PCDH9: variants seen among roughly 807,000 people sequenced by gnomAD.
PCDH9 encodes the protein protocadherin-9.
In PCDH9, 24 loss-of-function variants were observed where a neutral mutation model predicts 70.6. That is an observed-to-expected ratio of 0.34 (90% CI 0.25 to 0.48). The LOEUF (loss-of-function observed/expected upper bound fraction) is 0.48, where lower values mean the gene tolerates loss of function less well. Among genes scored for constraint, PCDH9 ranks in the 20% least tolerant of loss-of-function variants. The probability of loss-of-function intolerance (pLI) is 0.99; values close to 1 mark genes in which losing one functional copy is unlikely to be tolerated. For synonymous variants in PCDH9, 562 were observed against 558.5 expected (o/e 1.01, Z -0.09); for missense variants, 1,281 against 1,503.6 (o/e 0.85, Z 2.45).
intron 2 of PCDH9, among the ~76,000 whole-genome samples, chr13:67,186,124 C>A (rs917547070): frequency 1.3e-5 from 2 of 151,954 alleles, no homozygotes; most frequent in African/African-American, 4.8e-5. Context: ...AAAGAGGTTA[C>A]CAATCAATAT....
At chr13:66,435,613 A>G (rs1005349971) in intron 4 of PCDH9, among the ~76,000 whole-genome samples, 2 of 152,194 alleles carry the variant, frequency 1.3e-5, no homozygotes, top group Non-Finnish European at 2.9e-5. Flanking sequence ...AATATTATAC[A>G]GCAAAGCAAC....
At chr13:66,600,817 CATGTT>C (rs2077157449) in intron 4 of PCDH9, among the ~76,000 whole-genome samples, 1 of 139,828 alleles carries the variant, frequency 7.2e-6, no homozygotes, top group Non-Finnish European at 1.6e-5. Context: ...AATTTTATAT[CATGTT>C]ATAATTGTTT....
intron 3 of PCDH9, among the ~76,000 whole-genome samples, chr13:66,707,775 C>G (rs76013733): frequency 0.019 from 2,842 of 152,252 alleles, 66 homozygotes; most frequent in African/African-American, 0.056. Flanking sequence ...TTATTGAATG[C>G]TTCCTGACTA....
chr13:66,452,265 C>T (rs1366084209), intron 4 of PCDH9, among the ~76,000 whole-genome samples: 1 of 152,054 alleles, frequency 6.6e-6, no homozygotes, highest in African/African-American at 2.4e-5. Context: ...TTGTAAAGAA[C>T]CTCACTGTTC....
At chr13:67,113,270 A>G (rs979877548) in intron 2 of PCDH9, among the ~76,000 whole-genome samples, 1 of 152,196 alleles carries the variant, frequency 6.6e-6, no homozygotes, top group African/African-American at 2.4e-5. Flanking sequence ...AGATACATAT[A>G]ACTTTACTCA....
At chr13:66,890,591 C>T (rs2082081104) in intron 3 of PCDH9, among the ~76,000 whole-genome samples, 1 of 151,648 alleles carries the variant, frequency 6.6e-6, no homozygotes, top group South Asian at 2.1e-4. Flanking sequence ...GGAAGTCATC[C>T]CTTTGAAATG....
intron 4 of PCDH9, among the ~76,000 whole-genome samples, chr13:66,367,232 C>T (rs571969119): frequency 6.6e-5 from 10 of 152,150 alleles, no homozygotes; most frequent in Admixed American, 5.2e-4. Context: ...TAATGCTTAT[C>T]TATTGACTTC....
intron 3 of PCDH9, among the ~76,000 whole-genome samples, chr13:66,746,283 A>T (rs184546890): frequency 6.6e-6 from 1 of 152,338 alleles, no homozygotes; most frequent in East Asian, 1.9e-4. Flanking sequence ...TTTAACTGAG[A>T]TTAACTTTAG....
At chr13:67,201,932 TACA>T (rs1277615791) in intron 2 of PCDH9, 7 of 152,086 alleles carry the variant, frequency 4.6e-5, no homozygotes, top group African/African-American at 1.7e-4. Context: ...TACATTATAG[TACA>T]ACAAGTGAGA....
chr13:66,488,991 G>C (rs149028192), intron 4 of PCDH9, among the ~76,000 whole-genome samples: 1 of 152,016 alleles, frequency 6.6e-6, no homozygotes, highest in African/African-American at 2.4e-5. Context: ...ATATGTGTTC[G>C]TATACACACA....
intron 3 of PCDH9, among the ~76,000 whole-genome samples, chr13:66,672,032 T>C (rs919255104): frequency 6.6e-6 from 1 of 151,942 alleles, no homozygotes; most frequent in South Asian, 2.1e-4. Flanking sequence ...CCTGGAGGTA[T>C]GGGAGGAAAA....
intron 4 of PCDH9, among the ~76,000 whole-genome samples, chr13:66,571,064 T>C (rs2076726661): frequency 6.6e-6 from 1 of 152,088 alleles, no homozygotes; most frequent in South Asian, 2.1e-4. Context: ...ATTCTAGGCA[T>C]AGATATAAAA....
At chr13:66,895,076 G>C (rs1160461371) in intron 3 of PCDH9, among the ~76,000 whole-genome samples, 22 of 152,082 alleles carry the variant, frequency 1.4e-4, no homozygotes. Context: ...CCAAAGTGCT[G>C]AGATTACAGG....
At chr13:66,861,156 C>T (rs998799052) in intron 3 of PCDH9, among the ~76,000 whole-genome samples, 2 of 152,114 alleles carry the variant, frequency 1.3e-5, no homozygotes, top group Non-Finnish European at 2.9e-5. Context: ...GTGAAAATCA[C>T]CCAAATGTAC....
At chr13:66,703,437 T>G (rs1398237033) in intron 3 of PCDH9, among the ~76,000 whole-genome samples, 3 of 152,200 alleles carry the variant, frequency 2.0e-5, no homozygotes, top group Admixed American at 2.0e-4. Context: ...CTTTAGTTAA[T>G]GCTATAATAG....
intron 2 of PCDH9, among the ~76,000 whole-genome samples, chr13:67,070,099 T>C (rs1215295157): frequency 6.6e-6 from 1 of 150,508 alleles, no homozygotes; most frequent in African/African-American, 2.4e-5. Flanking sequence ...TAAAATAGAG[T>C]TATTTAAAAA....
At chr13:66,765,998 A>G (rs1159436987) in intron 3 of PCDH9, among the ~76,000 whole-genome samples, 2 of 152,070 alleles carry the variant, frequency 1.3e-5, no homozygotes, top group African/African-American at 2.4e-5. Flanking sequence ...AAAGTTTGTA[A>G]ATAAGTTTTA....
chr13:66,714,850 T>C (rs1192183468), intron 3 of PCDH9, among the ~76,000 whole-genome samples: 10 of 152,236 alleles, frequency 6.6e-5, no homozygotes, highest in African/African-American at 1.9e-4. Flanking sequence ...TATTCAACAA[T>C]TGTAAATCAT....
intron 3 of PCDH9, among the ~76,000 whole-genome samples, chr13:66,676,334 C>T (rs774667420): frequency 1.1e-4 from 16 of 152,038 alleles, no homozygotes; most frequent in Non-Finnish European, 2.2e-4. Flanking sequence ...TTATTACAGT[C>T]CAAAGTAAAT....
Sources: gnomAD v4.1 joint callset for allele counts (sites outside exome capture counted in the v4.1 genomes callset) on GRCh38, gnomAD v4.1.1 for gene constraint, MANE v1.5 for transcripts, NCBI Gene and HGNC (gene_info 2026-07-23, HGNC 2026-07-21) for gene names.